Variants in NALCN observed in about 807,000 individuals in gnomAD.
NALCN encodes sodium leak channel NALCN.
In NALCN, 111 loss-of-function variants were observed where a neutral mutation model predicts 225.3. The observed-to-expected ratio is 0.49, with a 90% CI of 0.42 to 0.58. The LOEUF (loss-of-function observed/expected upper bound fraction) is 0.58, where lower values mean the gene tolerates loss of function less well. NALCN is among the 20% of genes least tolerant of loss of function. NALCN has a pLI of 0.00. For synonymous variants in NALCN, 764 were observed against 769.0 expected (o/e 0.99, Z 0.11); for missense variants, 1,378 against 2,202.4 (o/e 0.63, Z 7.49).
chr13:101,092,972 T>C (rs111930596), intron 28 of NALCN, among the ~76,000 whole-genome samples: 3 of 152,116 alleles, frequency 2.0e-5, no homozygotes, highest in African/African-American at 7.2e-5. Context: ...TCCTAAGGGG[T>C]AGGGGCCATC....
In NALCN at chr13:101,271,909, TTG is replaced by T. The variant is rs199679839; in HGVS notation, c.1134+12022_1134+12023del. ...TGTGTGCATATGTGTGTGCGTGTGATTGTGTGTCACTGTGTGTATGTACGTGT... is the reference window on the plus strand; with the variant it reads ...TGTGTGCATATGTGTGTGCGTGTGATTGTGTCACTGTGTGTATGTACGTGT... On this transcript the variant is annotated intron_variant, in intron 10 of 43. Coordinates refer to ENST00000251127, the MANE Select transcript of NALCN (RefSeq NM_052867.4). Among the ~76,000 whole-genome samples, 1,171 of 150,206 alleles carry T rather than the reference TTG, an allele frequency of 7.8e-3. 14 individuals carry two copies. Among genetic ancestry groups the T allele is most frequent in the African/African-American group, 0.027 (1,083 of 40,726 alleles).
At chr13:101,232,668 G>T (rs12583085) in intron 12 of NALCN, among the ~76,000 whole-genome samples, 15 of 151,580 alleles carry the variant, frequency 9.9e-5, no homozygotes, top group Admixed American at 9.9e-4. Flanking sequence ...GGATGGTCTC[G>T]ATCTCCTGAC....
intron 13 of NALCN, among the ~76,000 whole-genome samples, chr13:101,224,135 T>C (rs1040082660): frequency 1.5e-4 from 23 of 152,062 alleles, no homozygotes; most frequent in African/African-American, 5.6e-4. Context: ...AACAACCAAA[T>C]CTAAAACCCC....
chr13:101,194,926 C>A (rs2039829224), intron 13 of NALCN, among the ~76,000 whole-genome samples: 1 of 152,144 alleles, frequency 6.6e-6, no homozygotes, highest in Non-Finnish European at 1.5e-5. Context: ...ATTGCTTGAA[C>A]CTGGGAGGCG....
At chr13:101,060,987 C>T (rs919678400) in intron 41 of NALCN, among the ~76,000 whole-genome samples, 13 of 152,176 alleles carry the variant, frequency 8.5e-5, no homozygotes, top group African/African-American at 3.1e-4. Context: ...CATGTGTCTG[C>T]AATTGACGTT....
intron 7 of NALCN, among the ~76,000 whole-genome samples, chr13:101,313,234 G>A (rs1760241): frequency 0.41 from 61,297 of 151,140 alleles, 12,811 homozygotes; most frequent in Middle Eastern, 0.47. Context: ...AAACCCTAGA[G>A]GAAAACCTAG....
chr13:101,415,228 T>TATATATATATATATATATATAC (rs137895468), intron 1 of NALCN, among the ~76,000 whole-genome samples: 9 of 129,268 alleles, frequency 7.0e-5, no homozygotes, highest in Non-Finnish European at 1.5e-4. Flanking sequence ...TATATATACA[T>TATATATATATATATATATATAC]ACATATATAT....
intron 7 of NALCN, among the ~76,000 whole-genome samples, chr13:101,339,040 A>C (rs942295461): frequency 1.3e-5 from 2 of 152,204 alleles, no homozygotes; most frequent in African/African-American, 4.8e-5. Flanking sequence ...AGAAAATCAC[A>C]GTGTCGCCTC....
chr13:101,289,894 C>T (rs1235812393), intron 9 of NALCN, among the ~76,000 whole-genome samples: 1 of 152,144 alleles, frequency 6.6e-6, no homozygotes, highest in Non-Finnish European at 1.5e-5. Context: ...ATAAAAGCAT[C>T]AGAGGGCCCA....
At chr13:101,279,765 CG>C (rs974495043) in intron 10 of NALCN, among the ~76,000 whole-genome samples, 168 of 147,680 alleles carry the variant, frequency 1.1e-3, no homozygotes, top group Middle Eastern at 0.01. Flanking sequence ...TGCAGTGAGC[CG>C]AGATCCCGCC....
chr13:101,349,193 T>G (rs1449179790), intron 6 of NALCN, among the ~76,000 whole-genome samples: 3 of 152,208 alleles, frequency 2.0e-5, no homozygotes, highest in Admixed American at 2.0e-4. Flanking sequence ...AAGTATCTAC[T>G]TGTAATCTCC....
In NALCN at chr13:101,074,554, C is replaced by T; in HGVS notation, c.4063G>A (p.Val1355Ile). ...CCATATTTCACAGTACCAAATAAAA[C>T]AACTCCAGCAAAAGCGTAACACAGC... ...LLLCYAFAGV[V>I]LFGTVKYGEN... is the part of the protein sequence containing the mutation. Residue 1355 changes from valine to isoleucine, a missense_variant, in exon 36 of 44, where the codon GTT (valine) becomes ATT (isoleucine). By Grantham distance (29) the Val-to-Ile change is conservative (BLOSUM62 3). This residue lies in a region of NALCN where 76 missense variants were observed against 118.7 expected (regional missense o/e 0.64). Transcript: ENST00000251127. 6.2e-7 allele frequency: 1 copy of T among 1,613,204 alleles called. No homozygotes were observed. Among genetic ancestry groups the T allele is most frequent in the East Asian group, 2.2e-5 (1 of 44,794 alleles).
chr13:101,184,327 G>A (rs1055096193), intron 14 of NALCN, among the ~76,000 whole-genome samples: 2 of 152,246 alleles, frequency 1.3e-5, no homozygotes, highest in African/African-American at 2.4e-5. Context: ...TTTCAAAAGC[G>A]TAATTTTCCA....
chr13:101,075,713 C>T lies in NALCN; in HGVS notation c.3954+160G>A, dbSNP rs976982340. 1.3e-5 allele frequency among the ~76,000 whole-genome samples: 2 copies of T among 151,986 alleles called. 1 individual carries two copies. Among genetic ancestry groups the T allele is most frequent in the Non-Finnish European group, 2.9e-5 (2 of 68,004 alleles). On this transcript the variant is annotated intron_variant, in intron 35 of 43. Transcript: ENST00000251127. ...TCGAATGATAACTAAGCTACTGATT[C>T]ATTTAACAATGTTTAATATTTGTTA...
chr13:101,272,772 C>T (rs1458668047), intron 10 of NALCN, among the ~76,000 whole-genome samples: 1 of 152,114 alleles, frequency 6.6e-6, no homozygotes, highest in Non-Finnish European at 1.5e-5. Context: ...AGGGAACCTA[C>T]ATTCTCATGG....
At chr13:101,300,317 CTCT>C (rs1417340995) in intron 7 of NALCN, among the ~76,000 whole-genome samples, 5 of 146,086 alleles carry the variant, frequency 3.4e-5, no homozygotes, top group Admixed American at 6.9e-5. Flanking sequence ...CTTCTTCTTC[CTCT>C]TCTTTTCCTT....
intron 13 of NALCN, among the ~76,000 whole-genome samples, chr13:101,216,045 G>A (rs990915971): frequency 3.9e-5 from 6 of 152,024 alleles, no homozygotes; most frequent in South Asian, 2.1e-4. Flanking sequence ...ATGGACACTC[G>A]TGCGGAGATA....
At chr13:101,097,500 T>A (rs1268940729) in intron 27 of NALCN, among the ~76,000 whole-genome samples, 1 of 152,216 alleles carries the variant, frequency 6.6e-6, no homozygotes, top group Non-Finnish European at 1.5e-5. Flanking sequence ...TTTGATTGCA[T>A]GAAGCAGTCT....
At position 101,410,884 on chromosome 13, in the gene NALCN, C is replaced by T. The variant is rs145117511; in HGVS notation, c.-40+5429G>A. Among the ~76,000 whole-genome samples the T allele has an allele frequency of 8.5e-5, 13 of 152,322 alleles. No individual in the cohort carries two copies. The East Asian group carries it at 2.5e-3, about 29-fold the overall frequency. On this transcript the variant is annotated intron_variant, in intron 1 of 43. Coordinates refer to ENST00000251127, the MANE Select transcript of NALCN (RefSeq NM_052867.4). ...TTAACCTAGGACTCCCTTTCATTCT[C>T]TTCCTTCCATCACTAAGACGTGGTA...
Sources: gnomAD v4.1 joint callset for allele counts (sites outside exome capture counted in the v4.1 genomes callset) on GRCh38, gnomAD v4.1.1 for gene constraint, gnomAD v4.1.1 regional missense constraint, MANE v1.5 for transcripts, NCBI Gene and HGNC (gene_info 2026-07-23, HGNC 2026-07-21) for gene names.